Variants in GRIK4 observed in about 807,000 individuals in gnomAD.
GRIK4 encodes the protein glutamate ionotropic receptor kainate type subunit 4, also known as glutamate receptor ionotropic, kainate 4.
GRIK4 carries 40 observed loss-of-function variants against 104.9 expected under a neutral mutation model. The ratio of observed to expected loss-of-function variants is 0.38; its 90% CI spans 0.30 to 0.50. GRIK4 has a LOEUF of 0.50. GRIK4 is among the 20% of genes least tolerant of loss of function. The pLI is 0.93. For missense variants in GRIK4, 1,047 were observed against 1,308.1 expected (o/e 0.80, Z 3.08); for synonymous variants, 485 against 524.9 (o/e 0.92, Z 1.04).
chr11:120,528,555 T>C (rs144522231), intron 1 of GRIK4, among the ~76,000 whole-genome samples: 160 of 152,316 alleles, frequency 1.1e-3, no homozygotes, highest in African/African-American at 3.8e-3. Context: ...TTAGTCTGTT[T>C]TCATGCTGCT....
At chr11:120,574,958 G>T (rs1207885348) in intron 1 of GRIK4, among the ~76,000 whole-genome samples, 2 of 152,180 alleles carry the variant, frequency 1.3e-5, no homozygotes, top group African/African-American at 4.8e-5. Flanking sequence ...GAGGACATGG[G>T]AACTAAAGAC....
intron 13 of GRIK4, among the ~76,000 whole-genome samples, chr11:120,916,144 GTCC>G (rs1330568371): frequency 6.6e-6 from 1 of 152,172 alleles, no homozygotes; most frequent in Non-Finnish European, 1.5e-5. Flanking sequence ...TGACACTTCT[GTCC>G]TCAACCCTCT....
At chr11:120,934,789 G>A (rs1048971315) in intron 13 of GRIK4, among the ~76,000 whole-genome samples, 5 of 152,236 alleles carry the variant, frequency 3.3e-5, no homozygotes, top group Middle Eastern at 3.4e-3. Flanking sequence ...GCGCACATCC[G>A]CCCCATGCCA....
chr11:120,589,799 G>A (rs998478361), intron 1 of GRIK4, among the ~76,000 whole-genome samples: 5 of 152,300 alleles, frequency 3.3e-5, no homozygotes, highest in African/African-American at 1.2e-4. Flanking sequence ...TATTTAAAAG[G>A]TATTGATAGC....
In GRIK4 at chr11:120,826,235, C is replaced by A. The variant is rs182584759; in HGVS notation, c.512-5617C>A. Reference sequence around the variant, plus strand: ...CTTCAAGGTCACATGATTCCTGCTACCTTCTCTCCCAGCTTTCCTAAAGAA... The same window carrying A: ...CTTCAAGGTCACATGATTCCTGCTAACTTCTCTCCCAGCTTTCCTAAAGAA... On this transcript the variant is annotated intron_variant, in intron 6 of 20. Transcript: ENST00000527524. Among the ~76,000 whole-genome samples the A allele has an allele frequency of 5.3e-5, 8 of 152,302 alleles. No homozygotes were observed. The East Asian group carries it at 1.5e-3, about 29-fold the overall frequency.
At chr11:120,617,932 G>A (rs1350866617) in intron 1 of GRIK4, among the ~76,000 whole-genome samples, 3 of 152,204 alleles carry the variant, frequency 2.0e-5, no homozygotes, top group African/African-American at 7.2e-5. Context: ...GGTATCGGGA[G>A]TGGGGTATTG....
chr11:120,574,790 GC>G (rs1948456368), intron 1 of GRIK4, among the ~76,000 whole-genome samples: 1 of 152,110 alleles, frequency 6.6e-6, no homozygotes, highest in Admixed American at 6.5e-5. Flanking sequence ...GAGGGGAGGC[GC>G]TTTCCTCTGT....
At chr11:120,594,439 T>C (rs370815779) in intron 1 of GRIK4, among the ~76,000 whole-genome samples, 1 of 152,172 alleles carries the variant, frequency 6.6e-6, no homozygotes, top group African/African-American at 2.4e-5. Flanking sequence ...TTTGCACCGT[T>C]GCACTTCAGC....
Position 120,952,997 on chromosome 11 carries a change from C to G in GRIK4, c.1700+33C>G, listed in dbSNP as rs771320676. 3.5e-5 allele frequency: 49 copies of G among 1,382,364 alleles called. No individual in the cohort carries two copies. The highest frequency in any genetic ancestry group is 4.7e-5 in the Non-Finnish European group (46 of 970,450). The allele number at this position is 1,382,364 out of a possible 1,614,324, so 85.6% of individuals were successfully genotyped here. A position where few individuals can be genotyped will look rare whatever the true frequency, so the allele number is the denominator to read the frequency against. On this transcript the variant is annotated intron_variant, in intron 15 of 20. Transcript: ENST00000527524. This position sits in a 1 kb window ranked among gnomAD's most constrained non-coding sequence, Gnocchi z 5.2. The stretch of plus-strand genomic sequence containing the variant: ...CCTCTTCCCTTCCCTGTCCTTACAC[C>G]GCCACCTCGTGTCCACCTCTGGGAA...
intron 3 of GRIK4, among the ~76,000 whole-genome samples, chr11:120,708,072 C>T (rs58628055): frequency 0.035 from 5,357 of 152,170 alleles, 294 homozygotes; most frequent in African/African-American, 0.12. Context: ...CATAAGAATA[C>T]CTGGGATGGG....
intron 1 of GRIK4, among the ~76,000 whole-genome samples, chr11:120,642,848 T>C (rs1949487652): frequency 6.6e-6 from 1 of 152,202 alleles, no homozygotes; most frequent in Admixed American, 6.5e-5. Context: ...TGCCTCTGTC[T>C]CTGAATTATT....
intron 1 of GRIK4, among the ~76,000 whole-genome samples, chr11:120,527,589 C>T (rs768957970): frequency 2.0e-5 from 3 of 152,204 alleles, no homozygotes; most frequent in Non-Finnish European, 2.9e-5. Flanking sequence ...CCTCCAGGGG[C>T]GGGCTGGGGG....
intron 13 of GRIK4, among the ~76,000 whole-genome samples, chr11:120,937,163 C>A (rs1461228691): frequency 6.6e-6 from 1 of 152,134 alleles, no homozygotes; most frequent in Non-Finnish European, 1.5e-5. Flanking sequence ...CTCAGCCTCC[C>A]GAGTAGCTGG....
intron 1 of GRIK4, among the ~76,000 whole-genome samples, chr11:120,553,802 G>C (rs369081406): frequency 6.6e-6 from 1 of 152,180 alleles, no homozygotes; most frequent in East Asian, 1.9e-4. Context: ...TTGCCTGCCT[G>C]TATGTCACTT....
chr11:120,819,959 G>A lies in GRIK4; in HGVS notation c.511+39G>A. The A allele has an allele frequency of 1.3e-6, 2 of 1,599,142 alleles. No homozygotes were observed. Reference sequence around the variant, plus strand: ...GGCTGGCTCTGCCCCAGACAGTCCAGTCTTGTTGATTTTGCCCTGATTCCC... The same window carrying A: ...GGCTGGCTCTGCCCCAGACAGTCCAATCTTGTTGATTTTGCCCTGATTCCC... On this transcript the variant is annotated intron_variant, in intron 6 of 20. Coordinates refer to ENST00000527524, the MANE Select transcript of GRIK4 (RefSeq NM_014619.5). The surrounding 1 kb of genome is among the most constrained non-coding windows in gnomAD (Gnocchi z 4.3).
rs142605289 is a variant in GRIK4, at chr11:120,638,867, T to C, written c.-158-14818T>C. 1.9e-3 allele frequency among the ~76,000 whole-genome samples: 284 copies of C among 152,156 alleles called. 1 individual carries two copies. Among genetic ancestry groups the C allele is most frequent in the African/African-American group, 6.6e-3 (274 of 41,526 alleles). ...TTTCTGTGCCCTAATATCATTTCTATCCAAGGTGGCCCTTGACCTTACAAG... is the reference window on the plus strand; with the variant it reads ...TTTCTGTGCCCTAATATCATTTCTACCCAAGGTGGCCCTTGACCTTACAAG... On this transcript the variant is annotated intron_variant, in intron 1 of 20. Coordinates refer to ENST00000527524, the MANE Select transcript of GRIK4 (RefSeq NM_014619.5).
chr11:120,751,074 G>A lies in GRIK4; in HGVS notation c.83-51619G>A, dbSNP rs149439104. On this transcript the variant is annotated intron_variant, in intron 3 of 20. Transcript: ENST00000527524. ...ACCTGTGTACAGGGGACACAGGGTG[G>A]GAAGACCCCAGTGTGAGAAGCGCAG... 4.7e-3 allele frequency among the ~76,000 whole-genome samples: 713 copies of A among 152,234 alleles called. 6 individuals carry two copies. The highest frequency in any genetic ancestry group is 0.016 in the African/African-American group (684 of 41,558).
chr11:120,797,175 C>T (rs573260083), intron 3 of GRIK4, among the ~76,000 whole-genome samples: 105 of 152,192 alleles, frequency 6.9e-4, no homozygotes, highest in South Asian at 5.6e-3. Context: ...CGGGAAGCCC[C>T]GGGTCTCTGA....
chr11:120,757,685 C>T (rs1951676533), intron 3 of GRIK4, among the ~76,000 whole-genome samples: 1 of 152,036 alleles, frequency 6.6e-6, no homozygotes, highest in Non-Finnish European at 1.5e-5. Flanking sequence ...ACTGGTTTGC[C>T]GAATTGGGCA....
Sources: allele counts gnomAD v4.1 joint callset (sites outside exome capture counted in the v4.1 genomes callset), GRCh38; gene constraint gnomAD v4.1.1; non-coding constraint Gnocchi (gnomAD v3.1); transcripts MANE v1.5; gene names NCBI Gene and HGNC (gene_info 2026-07-23, HGNC 2026-07-21).